The following RSPO2 variants were observed in gnomAD, a reference collection of about 807,000 sequenced individuals.
RSPO2 encodes the protein R-spondin 2, also known as R-spondin-2.
RSPO2 carries 14 observed loss-of-function variants against 30.9 expected under a neutral mutation model. That is an observed-to-expected ratio of 0.45 (90% confidence interval 0.30 to 0.71). The LOEUF (loss-of-function observed/expected upper bound fraction) is 0.71, where lower values mean the gene tolerates loss of function less well. Among genes scored for constraint, RSPO2 ranks in the 30% least tolerant of loss-of-function variants. The pLI is 0.08. For missense variants in RSPO2, 264 were observed against 301.9 expected, an observed-to-expected ratio of 0.87 and a Z score of 0.93; for synonymous variants, 107 against 96.4, an observed-to-expected ratio of 1.11 and a Z score of -0.64.
chr8:107,964,390 A>T (rs1297861736), intron 3 of RSPO2, among the ~76,000 whole-genome samples: 2 of 152,132 alleles, frequency 1.3e-5, no homozygotes, highest in Non-Finnish European at 2.9e-5. Flanking sequence ...TACAGGCATC[A>T]TGCGCCACCA....
intron 3 of RSPO2, 108 bp downstream of exon 3, chr8:107,988,948 C>T (rs998421297): frequency 9.8e-7 from 1 of 1,025,184 alleles, no homozygotes; most frequent in Non-Finnish European, 1.4e-6. Flanking sequence ...ATTTCTATCA[C>T]CTATTACAAA....
At chr8:108,026,232 AG>A (rs1159340571) in intron 2 of RSPO2, among the ~76,000 whole-genome samples, 2 of 152,232 alleles carry the variant, frequency 1.3e-5, no homozygotes, top group Non-Finnish European at 1.5e-5. Flanking sequence ...TCAAATGTCA[AG>A]GTCATAAAAG....
chr8:107,906,319 T>C lies in RSPO2; in HGVS notation c.617-5129A>G, dbSNP rs1811639327. Among the ~76,000 whole-genome samples, 3 of 137,416 alleles carry C rather than the reference T, an allele frequency of 2.2e-5. No individual in the cohort carries two copies. In the South Asian group the frequency reaches 7.5e-4, roughly 34 times the overall value. The allele number at this position is 137,416 out of a possible 152,430, so 90.2% of individuals were successfully genotyped here. A position where few individuals can be genotyped will look rare whatever the true frequency, so the allele number is the denominator to read the frequency against. ...TTTTGTGATTACTGAGGGAATAAAG[T>C]TTGTTTTCCCTTTATGAATGCAAGT... On this transcript the variant is annotated intron_variant, in intron 5 of 5. Transcript: ENST00000276659.
chr8:108,066,289 C>T (rs1812665420), intron 2 of RSPO2, among the ~76,000 whole-genome samples: 1 of 152,086 alleles, frequency 6.6e-6, no homozygotes, highest in Non-Finnish European at 1.5e-5. Context: ...ACTGTTTTTC[C>T]ATCCAATGAG....
chr8:107,957,950 C>T, intron 5 of RSPO2, 130 bp downstream of exon 5: 1 of 627,176 alleles, frequency 1.6e-6, no homozygotes, highest in Non-Finnish European at 2.7e-6. Context: ...TACAACAAAA[C>T]TTTATCCCCT....
intron 2 of RSPO2, among the ~76,000 whole-genome samples, chr8:108,011,176 A>G (rs1018699895): frequency 1.8e-4 from 27 of 149,584 alleles, no homozygotes; most frequent in Admixed American, 1.3e-3. Flanking sequence ...AAAGAAAAAG[A>G]AAAAGGAAAA....
At chr8:108,031,762 C>G (rs887842019) in intron 2 of RSPO2, among the ~76,000 whole-genome samples, 1 of 151,898 alleles carries the variant, frequency 6.6e-6, no homozygotes, top group African/African-American at 2.4e-5. Flanking sequence ...TGACCTTGAA[C>G]AGGAGATGCA....
intron 5 of RSPO2, among the ~76,000 whole-genome samples, chr8:107,930,351 AAATGG>A (rs1451087235): frequency 6.6e-6 from 1 of 152,194 alleles, no homozygotes; most frequent in East Asian, 1.9e-4. Flanking sequence ...AATAAAGTAG[AAATGG>A]AATATAGGGA....
intron 2 of RSPO2, among the ~76,000 whole-genome samples, chr8:108,072,755 A>G (rs2130727896): frequency 6.6e-6 from 1 of 152,134 alleles, no homozygotes; most frequent in Non-Finnish European, 1.5e-5. Context: ...AACAACAACA[A>G]CTTTGGATTT....
At chr8:107,956,862 T>C (rs1040019585) in intron 5 of RSPO2, among the ~76,000 whole-genome samples, 2 of 152,202 alleles carry the variant, frequency 1.3e-5, no homozygotes, top group African/African-American at 4.8e-5. Flanking sequence ...ATTAGTTTTG[T>C]AAGAAAACAT....
intron 2 of RSPO2, among the ~76,000 whole-genome samples, chr8:108,054,287 A>G (rs74847237): frequency 5.3e-4 from 81 of 152,234 alleles, no homozygotes; most frequent in African/African-American, 1.7e-3. Flanking sequence ...GGTCCAGTGG[A>G]GATTTGCAGC....
chr8:108,003,273 G>GTATATATA (rs1815314837), intron 2 of RSPO2, among the ~76,000 whole-genome samples: 2 of 69,638 alleles, frequency 2.9e-5, no homozygotes, highest in African/African-American at 5.9e-5. Context: ...GTGTGTGTGT[G>GTATATATA]TGTGTATATA....
intron 5 of RSPO2, among the ~76,000 whole-genome samples, chr8:107,903,146 AAAC>A (rs1240944141): frequency 2.0e-5 from 3 of 152,140 alleles, no homozygotes; most frequent in African/African-American, 7.2e-5. Context: ...TATTTTCTCT[AAAC>A]AACAAAATCC....
chr8:107,981,570 A>C (rs1484627184), intron 3 of RSPO2, among the ~76,000 whole-genome samples: 1 of 152,216 alleles, frequency 6.6e-6, no homozygotes, highest in African/African-American at 2.4e-5. Context: ...AAAGGCATTC[A>C]AACTTGATGA....
intron 3 of RSPO2, among the ~76,000 whole-genome samples, chr8:107,964,161 T>A (rs1000346501): frequency 3.3e-4 from 51 of 152,342 alleles, no homozygotes; most frequent in African/African-American, 1.2e-3. Context: ...GGCCCATGCA[T>A]TCAGCAGCCT....
intron 2 of RSPO2, among the ~76,000 whole-genome samples, chr8:108,081,215 A>G (rs893511599): frequency 4.6e-5 from 7 of 152,108 alleles, no homozygotes; most frequent in African/African-American, 1.7e-4. Context: ...AGTTATTTGG[A>G]GCTCTGCGCT....
At chr8:107,998,780 C>A (rs900626086) in intron 2 of RSPO2, among the ~76,000 whole-genome samples, 2 of 152,096 alleles carry the variant, frequency 1.3e-5, no homozygotes, top group Non-Finnish European at 2.9e-5. Context: ...GCAATGGTGG[C>A]TCACGTCTGT....
At chr8:107,920,283 G>C (rs1456675929) in intron 5 of RSPO2, among the ~76,000 whole-genome samples, 1 of 152,108 alleles carries the variant, frequency 6.6e-6, no homozygotes, top group African/African-American at 2.4e-5. Flanking sequence ...AATTCACTGA[G>C]ATCACAAATA....
At chr8:107,945,456 G>T (rs1194086564) in intron 5 of RSPO2, among the ~76,000 whole-genome samples, 1 of 151,780 alleles carries the variant, frequency 6.6e-6, no homozygotes, top group Non-Finnish European at 1.5e-5. Flanking sequence ...CACCATGTTA[G>T]CCAGGATGGT....
Sources: allele counts gnomAD v4.1 joint callset (sites outside exome capture counted in the v4.1 genomes callset), GRCh38; gene constraint gnomAD v4.1.1; transcripts MANE v1.5; gene names NCBI Gene and HGNC (gene_info 2026-07-23, HGNC 2026-07-21).